Variants in TMCO5A observed in about 807,000 individuals in gnomAD.
TMCO5A encodes transmembrane and coiled-coil domain-containing protein 5A.
Under a neutral mutation model 42.3 loss-of-function variants are expected in TMCO5A, and 34 were observed. The ratio of observed to expected loss-of-function variants is 0.80; its 90% CI spans 0.61 to 1.07. The LOEUF (loss-of-function observed/expected upper bound fraction) is 1.07. Among genes scored for constraint, TMCO5A ranks in the 50% least tolerant of loss-of-function variants. TMCO5A has a pLI of 0.00. For synonymous variants in TMCO5A, 131 were observed against 115.6 expected (o/e 1.13, Z -0.86); for missense variants, 357 against 327.9 (o/e 1.09, Z -0.69).
intron 11 of TMCO5A, chr15:37,956,708 G>C (rs1277410199): frequency 6.5e-6 from 1 of 153,814 alleles, no homozygotes; most frequent in Admixed American, 6.5e-5. Flanking sequence ...CCAAACAATA[G>C]AAAAAGAGGG....
the TMCO5A span, among the ~76,000 whole-genome samples, chr15:37,989,602 A>G: frequency 6.6e-6 from 1 of 151,882 alleles, no homozygotes; most frequent in Non-Finnish European, 1.5e-5. Flanking sequence ...GAATTTTCCA[A>G]TTTTCTCTCT....
the TMCO5A span, among the ~76,000 whole-genome samples, chr15:38,034,998 G>A: frequency 6.6e-6 from 1 of 152,166 alleles, no homozygotes; most frequent in African/African-American, 2.4e-5. Context: ...TTCTCCTAAG[G>A]GCAAGCTGCA....
intron 8 of TMCO5A, 89 bp from the exon 9 acceptor site, chr15:37,942,102 G>A: frequency 2.5e-6 from 3 of 1,207,062 alleles, no homozygotes; most frequent in Non-Finnish European, 2.4e-6. Context: ...AGCATTCATG[G>A]TATCATGTAA....
intron 10 of TMCO5A, among the ~76,000 whole-genome samples, chr15:37,944,944 G>A (rs554178275): frequency 1.2e-4 from 18 of 152,092 alleles, no homozygotes; most frequent in African/African-American, 4.3e-4. Context: ...GTGCCATGGT[G>A]GTTTGCTGCA....
chr15:38,024,222 G>A, the TMCO5A span, among the ~76,000 whole-genome samples: 1 of 152,202 alleles, frequency 6.6e-6, no homozygotes, highest in Non-Finnish European at 1.5e-5. Context: ...TCCAGGAAGA[G>A]GAAAAGGGAT....
chr15:38,030,060 TTTCCTG>T, the TMCO5A span, among the ~76,000 whole-genome samples: 1 of 152,212 alleles, frequency 6.6e-6, no homozygotes, highest in East Asian at 1.9e-4. Flanking sequence ...AAATGTTTAA[TTTCCTG>T]TTCTCCAGCC....
the TMCO5A span, among the ~76,000 whole-genome samples, chr15:38,036,717 C>T: frequency 6.6e-6 from 1 of 152,192 alleles, no homozygotes; most frequent in African/African-American, 2.4e-5. Context: ...ACTAAAACAC[C>T]ACCTTTTCTT....
the TMCO5A span, among the ~76,000 whole-genome samples, chr15:38,021,638 C>T: frequency 8.6e-5 from 13 of 152,038 alleles, no homozygotes; most frequent in African/African-American, 2.9e-4. Context: ...CCCACAAGAA[C>T]CACTTGAAAT....
chr15:38,015,908 G>A, the TMCO5A span, among the ~76,000 whole-genome samples: 1 of 152,216 alleles, frequency 6.6e-6, no homozygotes, highest in Admixed American at 6.5e-5. Context: ...GTTGGGGGAA[G>A]GAAGGGATGA....
the TMCO5A span, among the ~76,000 whole-genome samples, chr15:38,008,135 T>A: frequency 1.3e-5 from 2 of 151,760 alleles, no homozygotes; most frequent in South Asian, 4.2e-4. Flanking sequence ...GACCTCGTGA[T>A]CTGCCCACCT....
chr15:37,966,875 G>A (rs1220117932), exon 12 of TMCO5A: 8 of 574,218 alleles, frequency 1.4e-5, no homozygotes, highest in Non-Finnish European at 1.9e-5. Context: ...ATTAAGAGCA[G>A]TCAAAGAAGA....
chr15:37,954,173 C>T (rs1265289174), downstream of TMCO5A, among the ~76,000 whole-genome samples: 3 of 151,976 alleles, frequency 2.0e-5, no homozygotes, highest in African/African-American at 7.2e-5. Flanking sequence ...AAAGAACTTC[C>T]CAAACTTAGA....
the TMCO5A span, among the ~76,000 whole-genome samples, chr15:38,015,039 G>A: frequency 1.3e-5 from 2 of 151,546 alleles, no homozygotes; most frequent in Non-Finnish European, 2.9e-5. Flanking sequence ...CATCCAGTAT[G>A]AGAAAGATGT....
intron 10 of TMCO5A, among the ~76,000 whole-genome samples, chr15:37,946,528 C>T (rs965567095): frequency 6.6e-6 from 1 of 152,062 alleles, no homozygotes; most frequent in Non-Finnish European, 1.5e-5. Flanking sequence ...TGAGTCCTCT[C>T]TGATTTCTTT....
At chr15:37,981,200 C>CAAAAAAAAAAA in the TMCO5A span, among the ~76,000 whole-genome samples, 1 of 65,322 alleles carries the variant, frequency 1.5e-5, no homozygotes, top group African/African-American at 5.6e-5. Flanking sequence ...AGAAAGCCAG[C>CAAAAAAAAAAA]AAAAAAAAAA....
chr15:37,953,976 G>A (rs1351603143), downstream of TMCO5A, among the ~76,000 whole-genome samples: 2 of 151,832 alleles, frequency 1.3e-5, no homozygotes, highest in African/African-American at 4.8e-5. Flanking sequence ...GAAAGAATTA[G>A]TGAGCTTAAA....
chr15:37,946,487 T>G (rs1209781050), intron 10 of TMCO5A, among the ~76,000 whole-genome samples: 3 of 152,202 alleles, frequency 2.0e-5, no homozygotes, highest in African/African-American at 4.8e-5. Context: ...ATTCTTTCTA[T>G]CCATGAACAT....
chr15:37,936,900 A>G lies in TMCO5A; in HGVS notation c.194A>G (p.Glu65Gly). ...GGCCTGGTGGAAGATGAAGAGTGGG[A>G]GAAGGAGAACCGCACCACGATGGAA... is the stretch of plus-strand genomic sequence containing the variant. ...TRGLVEDEEWEKENRTTMERE... is the reference protein window; with the variant it reads ...TRGLVEDEEWGKENRTTMERE... The change falls in exon 4 of 12, where the codon GAG becomes GGG. Residue 65 changes from glutamate (E) to glycine (G), a missense_variant. Coordinates refer to ENST00000319669, the MANE Select transcript of TMCO5A (RefSeq NM_152453.4). 6.2e-7 allele frequency: 1 copy of G among 1,612,594 alleles called. No homozygotes were observed. Among genetic ancestry groups the G allele is most frequent in the Non-Finnish European group, 8.5e-7 (1 of 1,179,172 alleles).
At chr15:38,025,704 A>T in the TMCO5A span, among the ~76,000 whole-genome samples, 1 of 152,068 alleles carries the variant, frequency 6.6e-6, no homozygotes, top group Non-Finnish European at 1.5e-5. Flanking sequence ...CTGTGTCCCC[A>T]CCCCAATCTC....
Sources: gnomAD v4.1 joint callset for allele counts (sites outside exome capture counted in the v4.1 genomes callset) on GRCh38, gnomAD v4.1.1 for gene constraint, MANE v1.5 for transcripts, NCBI Gene and HGNC (gene_info 2026-07-23, HGNC 2026-07-21) for gene names.